The following SETBP1 variants were observed in gnomAD, a reference collection of about 807,000 sequenced individuals.
SETBP1 encodes the protein SET-binding protein.
In SETBP1, 9 loss-of-function variants were observed where a neutral mutation model predicts 101.0. That is an observed-to-expected ratio of 0.09 (90% CI 0.05 to 0.16). The LOEUF is 0.16. Ranked by LOEUF, SETBP1 falls within the 10% of genes least tolerant of loss-of-function variation. The probability of loss-of-function intolerance (pLI) is 1.00; values close to 1 mark genes in which losing one functional copy is unlikely to be tolerated. For synonymous variants in SETBP1, 818 were observed against 788.5 expected (o/e 1.04, Z -0.63); for missense variants, 1,858 against 2,033.8 (o/e 0.91, Z 1.66).
chr18:44,800,793 T>G (rs1330009070), intron 2 of SETBP1, among the ~76,000 whole-genome samples: 1 of 152,152 alleles, frequency 6.6e-6, no homozygotes, highest in Non-Finnish European at 1.5e-5. Context: ...TGTCCCTAGC[T>G]TAAAAGCAGT....
intron 3 of SETBP1, among the ~76,000 whole-genome samples, chr18:44,872,515 T>A (rs938349780): frequency 5.3e-5 from 8 of 152,222 alleles, no homozygotes; most frequent in Non-Finnish European, 1.0e-4. Flanking sequence ...GTTAGTACCA[T>A]CATTCATTTA....
intron 2 of SETBP1, among the ~76,000 whole-genome samples, chr18:44,742,521 A>G (rs1049397045): frequency 5.9e-5 from 9 of 152,234 alleles, no homozygotes; most frequent in Non-Finnish European, 1.2e-4. Flanking sequence ...TGATTTGACC[A>G]TCCAGAAGCA....
chr18:44,877,129 A>G, intron 3 of SETBP1: 7 of 996,698 alleles, frequency 7.0e-6, no homozygotes, highest in Non-Finnish European at 8.4e-6. Context: ...ACCCCATGCT[A>G]TACAGAGTAT....
intron 2 of SETBP1, among the ~76,000 whole-genome samples, chr18:44,741,995 C>A (rs149502858): frequency 6.6e-6 from 1 of 152,194 alleles, no homozygotes; most frequent in African/African-American, 2.4e-5. Context: ...GGGTGCAGCA[C>A]GCACAGATGT....
chr18:45,063,082 G>T lies in SETBP1; in HGVS notation c.4175G>T (p.Gly1392Val), dbSNP rs773392085. The change falls in exon 6 of 6, where the codon GGC (glycine) becomes GTC (valine). Residue 1392 changes from glycine (G) to valine (V), a missense_variant. Physicochemically the swap from Gly to Val is moderately radical, Grantham distance 109. This residue lies in a region of SETBP1 where 417 missense variants were observed against 389.1 expected (regional missense o/e 1.07). Transcript: ENST00000649279. ...AASAATSDAV[G>V]SSLKKRFKRR... ...CTTATCTCTTCCCCTCCCGCAGTCG[G>T]CTCCTCCCTGAAGAAGAGGTTCAAG... The T allele has an allele frequency of 1.2e-6, 2 of 1,613,794 alleles. No individual in the cohort carries two copies. Among genetic ancestry groups the T allele is most frequent in the South Asian group, 1.1e-5 (1 of 91,050 alleles).
At chr18:44,809,090 T>A (rs2071807096) in intron 2 of SETBP1, among the ~76,000 whole-genome samples, 1 of 152,180 alleles carries the variant, frequency 6.6e-6, no homozygotes, top group African/African-American at 2.4e-5. Flanking sequence ...TCGTGTGTGG[T>A]CAACAGAGAA....
intron 4 of SETBP1, among the ~76,000 whole-genome samples, chr18:44,977,057 A>G (rs1464054885): frequency 2.0e-5 from 3 of 152,206 alleles, no homozygotes; most frequent in Non-Finnish European, 4.4e-5. Context: ...TCATCAATAT[A>G]TGGCAACTCT....
intron 2 of SETBP1, among the ~76,000 whole-genome samples, chr18:44,710,960 G>C (rs2069325625): frequency 6.6e-6 from 1 of 152,106 alleles, no homozygotes; most frequent in Admixed American, 6.5e-5. Context: ...AGTAGACCCA[G>C]GTCCTCAAGA....
chr18:44,836,337 A>G (rs148973041), intron 2 of SETBP1, among the ~76,000 whole-genome samples: 15 of 152,272 alleles, frequency 9.9e-5, no homozygotes, highest in African/African-American at 3.4e-4. Context: ...GGTTCTGTCT[A>G]GCATACCTCT....
At chr18:44,966,065 A>C (rs2071714305) in intron 4 of SETBP1, among the ~76,000 whole-genome samples, 1 of 152,220 alleles carries the variant, frequency 6.6e-6, no homozygotes, top group African/African-American at 2.4e-5. Context: ...TAACTAAATA[A>C]ATACATTAAT....
chr18:44,689,036 T>C (rs2068884308), intron 1 of SETBP1, among the ~76,000 whole-genome samples: 1 of 152,224 alleles, frequency 6.6e-6, no homozygotes, highest in African/African-American at 2.4e-5. Context: ...AAAGCATTCT[T>C]CTGCAGCCAA....
intron 2 of SETBP1, among the ~76,000 whole-genome samples, chr18:44,749,388 C>G (rs2070332607): frequency 6.6e-6 from 1 of 152,086 alleles, no homozygotes; most frequent in Non-Finnish European, 1.5e-5. Flanking sequence ...GAGAAAGGAC[C>G]AAGGATGAAG....
At chr18:45,049,950 A>T (rs1022686546) in intron 5 of SETBP1, among the ~76,000 whole-genome samples, 2 of 152,154 alleles carry the variant, frequency 1.3e-5, no homozygotes, top group African/African-American at 4.8e-5. Flanking sequence ...TTGCTTTCTT[A>T]AGGAAATATA....
At chr18:44,973,082 A>G (rs987026808) in intron 4 of SETBP1, among the ~76,000 whole-genome samples, 71 of 152,292 alleles carry the variant, frequency 4.7e-4, no homozygotes, top group Non-Finnish European at 7.4e-4. Flanking sequence ...AGTTTTTAGC[A>G]TAAAGGGTAG....
intron 2 of SETBP1, among the ~76,000 whole-genome samples, chr18:44,716,753 G>A (rs990512404): frequency 3.9e-5 from 6 of 152,040 alleles, no homozygotes; most frequent in African/African-American, 1.4e-4. Flanking sequence ...AGTAGAGAAG[G>A]TGTTTCCCCA....
intron 2 of SETBP1, among the ~76,000 whole-genome samples, chr18:44,787,902 A>G (rs2071278892): frequency 6.9e-6 from 1 of 144,940 alleles, no homozygotes; most frequent in Non-Finnish European, 1.5e-5. Context: ...TCTAAGGAAA[A>G]AAAGGAAATA....
chr18:44,742,315 A>G (rs2070116997), intron 2 of SETBP1, among the ~76,000 whole-genome samples: 1 of 152,138 alleles, frequency 6.6e-6, no homozygotes, highest in African/African-American at 2.4e-5. Context: ...CAGTGCCATT[A>G]GCTTTGCTCC....
chr18:44,993,494 A>G (rs2072425072), intron 4 of SETBP1, among the ~76,000 whole-genome samples: 1 of 152,064 alleles, frequency 6.6e-6, no homozygotes, highest in Non-Finnish European at 1.5e-5. Context: ...ATATTTTTCT[A>G]CTTATTGCTG....
chr18:44,877,224 A>G (rs890785886), intron 3 of SETBP1: 1 of 714,250 alleles, frequency 1.4e-6, no homozygotes, highest in Non-Finnish European at 1.7e-6. Flanking sequence ...GCAATTTGAC[A>G]TTTTTGTGAT....
Sources: allele counts gnomAD v4.1 joint callset (sites outside exome capture counted in the v4.1 genomes callset), GRCh38; gene constraint gnomAD v4.1.1; regional missense constraint gnomAD v4.1.1; transcripts MANE v1.5; gene names NCBI Gene and HGNC (gene_info 2026-07-23, HGNC 2026-07-21).